The following SHISA9 variants were observed in gnomAD, a reference collection of about 807,000 sequenced individuals.
The protein encoded by SHISA9 is protein shisa-9.
In SHISA9, 13 loss-of-function variants were observed where a neutral mutation model predicts 38.0. That is an observed-to-expected ratio of 0.34 (90% CI 0.22 to 0.54). The LOEUF (loss-of-function observed/expected upper bound fraction) is 0.54. Among genes scored for constraint, SHISA9 ranks in the 20% least tolerant of loss-of-function variants. The pLI is 0.91. For missense variants in SHISA9, 538 were observed against 575.8 expected (o/e 0.93, Z 0.67); for synonymous variants, 275 against 242.0 (o/e 1.14, Z -1.27).
At chr16:13,072,284 G>A (rs1251924282) in intron 2 of SHISA9, among the ~76,000 whole-genome samples, 5 of 152,240 alleles carry the variant, frequency 3.3e-5, no homozygotes, top group African/African-American at 1.2e-4. Context: ...CCTGTCCTCA[G>A]GAACCACAGT....
At chr16:13,424,007 C>T in the SHISA9 span, among the ~76,000 whole-genome samples, 2 of 152,178 alleles carry the variant, frequency 1.3e-5, no homozygotes, top group African/African-American at 4.8e-5. Flanking sequence ...CAAGTCCACC[C>T]AGGTAATATC....
At chr16:13,456,635 C>T in the SHISA9 span, among the ~76,000 whole-genome samples, 1 of 152,186 alleles carries the variant, frequency 6.6e-6, no homozygotes, top group Non-Finnish European at 1.5e-5. Flanking sequence ...GGGTCTTGGC[C>T]ACTGGACAGT....
chr16:12,913,924 G>C (rs1018550783), intron 1 of SHISA9, among the ~76,000 whole-genome samples: 2 of 152,024 alleles, frequency 1.3e-5, no homozygotes, highest in Non-Finnish European at 2.9e-5. Flanking sequence ...CGGCCATTCA[G>C]GTTGTTTCCG....
At chr16:13,176,696 T>G (rs902959455) in intron 2 of SHISA9, among the ~76,000 whole-genome samples, 5 of 151,900 alleles carry the variant, frequency 3.3e-5, no homozygotes, top group South Asian at 2.1e-4. Context: ...GACTCACCAC[T>G]GTTTTTTTTT....
the SHISA9 span, among the ~76,000 whole-genome samples, chr16:13,450,948 C>G: frequency 1.3e-5 from 2 of 152,200 alleles, no homozygotes; most frequent in Non-Finnish European, 2.9e-5. Flanking sequence ...AGTGTCCCCT[C>G]TTTTTCCTCT....
At chr16:13,204,099 ATC>A (rs1459428938) in intron 3 of SHISA9, among the ~76,000 whole-genome samples, 1 of 151,930 alleles carries the variant, frequency 6.6e-6, no homozygotes, top group Non-Finnish European at 1.5e-5. Context: ...TATCTATATC[ATC>A]TGTCTACCTA....
chr16:13,196,173 G>A (rs1025524900), intron 2 of SHISA9, among the ~76,000 whole-genome samples: 64 of 149,778 alleles, frequency 4.3e-4, no homozygotes, highest in African/African-American at 1.4e-3. Flanking sequence ...TGAGGTGGGC[G>A]GATCACGAGG....
chr16:13,120,011 G>A (rs545556354), intron 2 of SHISA9, among the ~76,000 whole-genome samples: 5 of 152,216 alleles, frequency 3.3e-5, no homozygotes, highest in South Asian at 4.2e-4. Flanking sequence ...GACATAAAGG[G>A]AGGAGGACAG....
At chr16:13,212,792 A>C (rs1392469125) in intron 3 of SHISA9, among the ~76,000 whole-genome samples, 1 of 152,162 alleles carries the variant, frequency 6.6e-6, no homozygotes, top group Non-Finnish European at 1.5e-5. Context: ...CCAACCTTGA[A>C]TCTGGGGCTA....
chr16:13,307,110 T>C, the SHISA9 span, among the ~76,000 whole-genome samples: 1 of 152,192 alleles, frequency 6.6e-6, no homozygotes, highest in Non-Finnish European at 1.5e-5. Context: ...ACCAGATCCA[T>C]CTCTACAAAC....
At chr16:12,943,541 T>C (rs937660134) in intron 2 of SHISA9, among the ~76,000 whole-genome samples, 1 of 152,032 alleles carries the variant, frequency 6.6e-6, no homozygotes, top group Non-Finnish European at 1.5e-5. Context: ...TGAAATGAGG[T>C]GGAATAAATA....
chr16:13,174,380 C>T (rs906897492), intron 2 of SHISA9, among the ~76,000 whole-genome samples: 5 of 152,120 alleles, frequency 3.3e-5, no homozygotes, highest in African/African-American at 1.2e-4. Flanking sequence ...ACAGAAGCTC[C>T]CTTTCATCAC....
chr16:13,098,683 T>A (rs1453633810), intron 2 of SHISA9, among the ~76,000 whole-genome samples: 3 of 152,226 alleles, frequency 2.0e-5, no homozygotes, highest in Non-Finnish European at 4.4e-5. Flanking sequence ...AGATTCCTCC[T>A]TAAGGAGCAA....
the SHISA9 span, among the ~76,000 whole-genome samples, chr16:13,533,246 C>G: frequency 3.3e-5 from 5 of 152,264 alleles, no homozygotes; most frequent in African/African-American, 9.6e-5. Flanking sequence ...TTGGGGACAC[C>G]TTTAACGCTC....
intron 2 of SHISA9, among the ~76,000 whole-genome samples, chr16:13,103,295 T>A (rs74012261): frequency 0.021 from 3,185 of 152,336 alleles, 114 homozygotes; most frequent in African/African-American, 0.072. Flanking sequence ...TTCTCAAAGA[T>A]CTTCTCCTGG....
chr16:13,052,054 C>T (rs1353391091), intron 2 of SHISA9, among the ~76,000 whole-genome samples: 7 of 152,178 alleles, frequency 4.6e-5, no homozygotes, highest in East Asian at 1.9e-4. Context: ...TCAACCACTG[C>T]GCCCGGCCTA....
the SHISA9 span, among the ~76,000 whole-genome samples, chr16:13,365,119 A>G: frequency 6.6e-6 from 1 of 152,188 alleles, no homozygotes; most frequent in Non-Finnish European, 1.5e-5. Flanking sequence ...TCAATGCTTT[A>G]TATGTATGCA....
chr16:13,488,247 CAA>C, the SHISA9 span, among the ~76,000 whole-genome samples: 1,370 of 118,732 alleles, frequency 0.012, 22 homozygotes, highest in African/African-American at 0.037. Context: ...CCTCAAAATG[CAA>C]AAAAAAAAAA....
At chr16:13,331,338 C>T in the SHISA9 span, 4 of 151,592 alleles carry the variant, frequency 2.6e-5, no homozygotes, top group South Asian at 4.2e-4. Flanking sequence ...GAATTGTGAA[C>T]GTCTGATGGA....
Sources: allele counts gnomAD v4.1 joint callset (sites outside exome capture counted in the v4.1 genomes callset), GRCh38; gene constraint gnomAD v4.1.1; transcripts MANE v1.5; gene names NCBI Gene and HGNC (gene_info 2026-07-23, HGNC 2026-07-21).